Variants in TMEFF2 observed in about 807,000 individuals in gnomAD.
TMEFF2 encodes the protein transmembrane protein with EGF like and two follistatin like domains 2.
TMEFF2 carries 28 observed loss-of-function variants against 53.8 expected under a neutral mutation model. The ratio of observed to expected loss-of-function variants is 0.52; its 90% CI spans 0.39 to 0.71. The LOEUF (loss-of-function observed/expected upper bound fraction) is 0.71. Ranked by LOEUF, TMEFF2 falls within the 30% of genes least tolerant of loss-of-function variation. The probability of loss-of-function intolerance (pLI) is 0.00; values close to 1 mark genes in which losing one functional copy is unlikely to be tolerated. For missense variants in TMEFF2, 353 were observed against 455.2 expected (o/e 0.78, Z 2.04); for synonymous variants, 162 against 166.3 (o/e 0.97, Z 0.20).
chr2:192,094,911 T>G (rs1488667030), intron 4 of TMEFF2, among the ~76,000 whole-genome samples: 2 of 152,224 alleles, frequency 1.3e-5, no homozygotes, highest in African/African-American at 4.8e-5. Context: ...GTTCACAATT[T>G]GTGTTGACAT....
intron 7 of TMEFF2, among the ~76,000 whole-genome samples, chr2:191,974,350 G>GTATA (rs2105807617): frequency 6.6e-6 from 1 of 152,116 alleles, no homozygotes. Context: ...ATAACTATAG[G>GTATA]TGTTTCGCAT....
At chr2:192,105,174 T>A (rs1316590706) in intron 4 of TMEFF2, among the ~76,000 whole-genome samples, 1 of 151,992 alleles carries the variant, frequency 6.6e-6, no homozygotes, top group African/African-American at 2.4e-5. Context: ...AAGCTGTGTT[T>A]TTTCCCCAAA....
chr2:191,974,719 G>T (rs948218875), intron 7 of TMEFF2, among the ~76,000 whole-genome samples: 2 of 151,906 alleles, frequency 1.3e-5, no homozygotes, highest in East Asian at 3.9e-4. Context: ...GTCTATAAAA[G>T]CTGCTCTAAA....
intron 4 of TMEFF2, among the ~76,000 whole-genome samples, chr2:192,169,080 A>C (rs778815226): frequency 2.6e-5 from 4 of 152,132 alleles, no homozygotes; most frequent in Non-Finnish European, 4.4e-5. Context: ...ATTTAACAAA[A>C]TTCTACTAAG....
chr2:192,189,786 T>C (rs1409870772), intron 2 of TMEFF2, among the ~76,000 whole-genome samples: 1 of 152,046 alleles, frequency 6.6e-6, no homozygotes, highest in African/African-American at 2.4e-5. Context: ...AACTTATACT[T>C]TTCTTTGATT....
At chr2:192,056,999 A>C (rs1039097299) in intron 5 of TMEFF2, among the ~76,000 whole-genome samples, 1 of 152,216 alleles carries the variant, frequency 6.6e-6, no homozygotes, top group African/African-American at 2.4e-5. Flanking sequence ...ATTTTGTTAT[A>C]GAAACCCAAA....
chr2:191,992,284 G>A (rs77280987), intron 7 of TMEFF2, among the ~76,000 whole-genome samples: 1 of 152,072 alleles, frequency 6.6e-6, no homozygotes. Context: ...TTCTGGTGAA[G>A]TGCTCCTTGT....
At chr2:192,063,010 T>A (rs1259066321) in intron 4 of TMEFF2, among the ~76,000 whole-genome samples, 11 of 151,694 alleles carry the variant, frequency 7.3e-5, no homozygotes, top group Admixed American at 3.9e-4. Flanking sequence ...AATTACAAAT[T>A]TGATTTCTTT....
intron 4 of TMEFF2, among the ~76,000 whole-genome samples, chr2:192,081,643 C>T (rs1010172933): frequency 6.6e-6 from 1 of 151,922 alleles, no homozygotes; most frequent in Non-Finnish European, 1.5e-5. Flanking sequence ...TTTTAACCAA[C>T]TTAGTTATTA....
chr2:192,096,672 T>TCTGTC (rs34561797), intron 4 of TMEFF2, among the ~76,000 whole-genome samples: 1 of 5,160 alleles, frequency 1.9e-4, no homozygotes, highest in African/African-American at 3.1e-4. Flanking sequence ...CTCTCTCTCT[T>TCTGTC]TTTTTTTTTT....
chr2:192,184,416 C>A lies in TMEFF2; in HGVS notation c.350G>T (p.Arg117Leu). The A allele has an allele frequency of 1.2e-6, 2 of 1,613,388 alleles. No individual in the cohort carries two copies. Among genetic ancestry groups the A allele is most frequent in the South Asian group, 1.1e-5 (1 of 91,060 alleles). ...ACTCTGCTGTTTGCATGCAGCCTGT[C>A]GCAGGTAACACTCATTCTGGTAGCT... ...GESYQNECYL[R>L]QAACKQQSEI... is the part of the protein sequence containing the mutation. Residue 117 changes from arginine to leucine, a missense_variant, in exon 3 of 10, where the codon CGA (arginine) becomes CTA (leucine). Physicochemically the swap from Arg to Leu is moderately radical, Grantham distance 102. This residue lies in a region of TMEFF2 where 294 missense variants were observed against 397.3 expected (regional missense o/e 0.74). Transcript: ENST00000272771.
chr2:192,185,295 A>AT (rs1419618491), intron 2 of TMEFF2, among the ~76,000 whole-genome samples: 31 of 151,808 alleles, frequency 2.0e-4, no homozygotes, highest in African/African-American at 6.0e-4. Context: ...ACTCTAAGGC[A>AT]TTAATGATAC....
At chr2:192,065,839 A>G (rs1688157606) in intron 4 of TMEFF2, among the ~76,000 whole-genome samples, 1 of 151,774 alleles carries the variant, frequency 6.6e-6, no homozygotes, top group South Asian at 2.1e-4. Context: ...GAAAAATAAA[A>G]AGAAAATTTT....
At chr2:192,122,552 T>C (rs925600449) in intron 4 of TMEFF2, among the ~76,000 whole-genome samples, 1 of 152,132 alleles carries the variant, frequency 6.6e-6, no homozygotes, top group Admixed American at 6.6e-5. Context: ...TTAAATATGG[T>C]GTATGGTACT....
At chr2:192,126,057 T>C (rs926025995) in intron 4 of TMEFF2, among the ~76,000 whole-genome samples, 2 of 152,220 alleles carry the variant, frequency 1.3e-5, no homozygotes, top group Non-Finnish European at 2.9e-5. Context: ...AGTTTGTTTT[T>C]TGAAAATATA....
chr2:191,971,810 TAAAAAC>T (rs1436214930), intron 7 of TMEFF2, among the ~76,000 whole-genome samples: 1 of 151,994 alleles, frequency 6.6e-6, no homozygotes, highest in Non-Finnish European at 1.5e-5. Context: ...AGGCAATAGA[TAAAAAC>T]AAAAATCAAC....
intron 4 of TMEFF2, among the ~76,000 whole-genome samples, chr2:192,131,405 T>C (rs1041202117): frequency 2.0e-5 from 3 of 151,556 alleles, no homozygotes; most frequent in Admixed American, 2.0e-4. Flanking sequence ...TAGCGGCAAG[T>C]CCCGCTTTTC....
In TMEFF2 at chr2:191,991,900, A is replaced by G. The variant is rs550110651; in HGVS notation, c.745+6362T>C. Among the ~76,000 whole-genome samples, 5 of 152,260 alleles carry G rather than the reference A, an allele frequency of 3.3e-5. 1 individual carries two copies. Among genetic ancestry groups the G allele is most frequent in the African/African-American group, 1.2e-4 (5 of 41,568 alleles). Reference sequence around the variant, plus strand: ...TCTATAACCATGAACATAACATAATATTACAGATGACTGGCTACATGATTT... The same window carrying G: ...TCTATAACCATGAACATAACATAATGTTACAGATGACTGGCTACATGATTT... On this transcript the variant is annotated intron_variant, in intron 7 of 9. Transcript: ENST00000272771.
At chr2:192,189,998 T>C (rs1691422787) in intron 2 of TMEFF2, among the ~76,000 whole-genome samples, 1 of 152,204 alleles carries the variant, frequency 6.6e-6, no homozygotes, top group Non-Finnish European at 1.5e-5. Context: ...CAGACTTGCA[T>C]TCGTTTCCAC....
Sources: gnomAD v4.1 joint callset for allele counts (sites outside exome capture counted in the v4.1 genomes callset) on GRCh38, gnomAD v4.1.1 for gene constraint, gnomAD v4.1.1 regional missense constraint, MANE v1.5 for transcripts, NCBI Gene and HGNC (gene_info 2026-07-23, HGNC 2026-07-21) for gene names.